The following PTPRD variants were observed in gnomAD, a reference collection of about 807,000 sequenced individuals.
PTPRD encodes receptor-type tyrosine-protein phosphatase delta.
In PTPRD, 34 loss-of-function variants were observed where a neutral mutation model predicts 214.5. The observed-to-expected ratio is 0.16, with a 90% confidence interval of 0.12 to 0.21. PTPRD has a LOEUF of 0.21. Among genes scored for constraint, PTPRD ranks in the 10% least tolerant of loss-of-function variants. The pLI is 1.00. For synonymous variants in PTPRD, 1,128 were observed against 845.7 expected, an observed-to-expected ratio of 1.33 and a Z score of -5.79; for missense variants, 2,545 against 2,398.7, an observed-to-expected ratio of 1.06 and a Z score of -1.27.
At chr9:8,495,952 C>G (rs1245490634) in intron 26 of PTPRD, among the ~76,000 whole-genome samples, 1 of 151,960 alleles carries the variant, frequency 6.6e-6, no homozygotes, top group Non-Finnish European at 1.5e-5. Flanking sequence ...AAAGACTGAC[C>G]GGCCAGCTTT....
intron 30 of PTPRD, among the ~76,000 whole-genome samples, chr9:8,477,243 T>C (rs1009876598): frequency 5.9e-5 from 9 of 152,128 alleles, no homozygotes; most frequent in Admixed American, 5.9e-4. Context: ...CTTTTCAACA[T>C]AGACTTTAAC....
chr9:9,644,747 C>A (rs184214913), intron 7 of PTPRD, among the ~76,000 whole-genome samples: 1,596 of 152,260 alleles, frequency 0.01, 25 homozygotes, highest in African/African-American at 0.037. Flanking sequence ...TCCCCACATC[C>A]TGTACCCATA....
chr9:9,176,966 A>G (rs763177671), intron 10 of PTPRD, among the ~76,000 whole-genome samples: 1 of 152,132 alleles, frequency 6.6e-6, no homozygotes, highest in Non-Finnish European at 1.5e-5. Context: ...GTATCTATCT[A>G]TCTATCTTAG....
chr9:8,659,398 C>T (rs1596293310), intron 12 of PTPRD, among the ~76,000 whole-genome samples: 1 of 152,144 alleles, frequency 6.6e-6, no homozygotes, highest in East Asian at 1.9e-4. Context: ...TTACACTATC[C>T]CATCAAGAGT....
intron 8 of PTPRD, among the ~76,000 whole-genome samples, chr9:9,452,506 A>G (rs1443951997): frequency 6.6e-6 from 1 of 151,338 alleles, no homozygotes; most frequent in Non-Finnish European, 1.5e-5. Flanking sequence ...GAATATGATA[A>G]GATTTGGGGT....
At chr9:10,112,838 T>A (rs2098702584) in intron 3 of PTPRD, among the ~76,000 whole-genome samples, 1 of 152,218 alleles carries the variant, frequency 6.6e-6, no homozygotes, top group Non-Finnish European at 1.5e-5. Flanking sequence ...AATGTTCACG[T>A]CTTGTCTTAA....
At chr9:10,366,466 G>T (rs1352521242) in intron 2 of PTPRD, among the ~76,000 whole-genome samples, 1 of 152,070 alleles carries the variant, frequency 6.6e-6, no homozygotes, top group East Asian at 1.9e-4. Context: ...CAAAAACTGT[G>T]GAATGAGCAC....
chr9:10,472,647 G>C (rs1588965128), intron 2 of PTPRD, among the ~76,000 whole-genome samples: 1 of 152,034 alleles, frequency 6.6e-6, no homozygotes, highest in Admixed American at 6.6e-5. Flanking sequence ...CTTTTGAATA[G>C]TATCCAATGC....
At chr9:9,146,977 G>C (rs1419217930) in intron 10 of PTPRD, among the ~76,000 whole-genome samples, 1 of 152,082 alleles carries the variant, frequency 6.6e-6, no homozygotes, top group African/African-American at 2.4e-5. Flanking sequence ...AACATTTTCT[G>C]ATTGATTCTT....
At chr9:9,073,133 T>G (rs774438338) in intron 10 of PTPRD, among the ~76,000 whole-genome samples, 8 of 152,176 alleles carry the variant, frequency 5.3e-5, no homozygotes, top group Non-Finnish European at 8.8e-5. Context: ...CACTAATTAG[T>G]AATAACATGG....
At chr9:10,370,590 A>C (rs1206543082) in intron 2 of PTPRD, among the ~76,000 whole-genome samples, 1 of 152,130 alleles carries the variant, frequency 6.6e-6, no homozygotes, top group African/African-American at 2.4e-5. Flanking sequence ...ATGAAAATAC[A>C]TTTTGAATTG....
intron 5 of PTPRD, among the ~76,000 whole-genome samples, chr9:9,833,135 G>A (rs1003836993): frequency 6.6e-6 from 1 of 151,910 alleles, no homozygotes; most frequent in East Asian, 1.9e-4. Context: ...TATTTCTAAG[G>A]AACAAAATAA....
chr9:8,390,524 A>G lies in PTPRD; in HGVS notation c.4211-1117T>C, dbSNP rs553749238. On this transcript the variant is annotated intron_variant, in intron 36 of 45. Transcript: ENST00000381196. ...CTTTATACTACTGATTAAGGTTGTAATTATATATTTACTTGTCTGTTAAGT... is the reference window on the plus strand; with the variant it reads ...CTTTATACTACTGATTAAGGTTGTAGTTATATATTTACTTGTCTGTTAAGT... Among the ~76,000 whole-genome samples the G allele has an allele frequency of 2.8e-5, 4 of 145,314 alleles. No individual in the cohort carries two copies. The South Asian group carries it at 6.6e-4, about 24-fold the overall frequency.
Position 8,418,219 on chromosome 9 carries a change from C to CT in PTPRD, c.4087-13560dup, listed in dbSNP as rs370640821. ...CTTGCTTGGAGAGCACTTTCTTATC[C>CT]TTTTCTTTTTTTTTTGCTTCTAAAT... On this transcript the variant is annotated intron_variant, in intron 35 of 45. Coordinates refer to ENST00000381196, the MANE Select transcript of PTPRD (RefSeq NM_002839.4). Among the ~76,000 whole-genome samples, 34 of 150,234 alleles carry CT rather than the reference C, an allele frequency of 2.3e-4. 2 individuals are homozygous for CT. The highest frequency in any genetic ancestry group is 3.0e-4 in the Non-Finnish European group (20 of 67,480).
At chr9:9,561,267 T>C (rs1021004990) in intron 8 of PTPRD, among the ~76,000 whole-genome samples, 2 of 152,102 alleles carry the variant, frequency 1.3e-5, no homozygotes, top group African/African-American at 2.4e-5. Flanking sequence ...TTACACCACG[T>C]TTCCAGATCA....
chr9:8,409,517 A>G (rs542181382), intron 35 of PTPRD, among the ~76,000 whole-genome samples: 14 of 152,308 alleles, frequency 9.2e-5, no homozygotes, highest in African/African-American at 2.6e-4. Context: ...GTGATCATCA[A>G]TTTGCACATC....
rs772631459 is a variant in PTPRD at position 8,504,384 on chromosome 9, C to T, written c.1699G>A (p.Gly567Arg). The change falls in exon 23 of 46, where the codon GGG (glycine) becomes AGG (arginine). Residue 567 changes from glycine to arginine, a missense_variant. Gly to Arg is a moderately radical substitution (Grantham distance 125). Transcript: ENST00000381196. ...GEEQRITIEP[G>R]TSYRLQGLKP... The stretch of plus-strand genomic sequence containing the variant: ...AGTCCTTGCAGCCTATATGATGTCC[C>T]TGGCTCAATGGTAATTCGTTGCTGG... The T allele has an allele frequency of 1.7e-5, 28 of 1,613,968 alleles. No homozygotes were observed. The highest frequency in any genetic ancestry group is 1.0e-4 in the Admixed American group (6 of 59,996).
intron 3 of PTPRD, among the ~76,000 whole-genome samples, chr9:10,075,821 T>A (rs2098123857): frequency 4.6e-5 from 7 of 152,114 alleles, no homozygotes; most frequent in African/African-American, 1.7e-4. Flanking sequence ...AACCAAGGGC[T>A]GAGGTTCTTT....
intron 8 of PTPRD, among the ~76,000 whole-genome samples, chr9:9,497,689 G>C (rs563749796): frequency 7.0e-4 from 106 of 152,162 alleles, no homozygotes; most frequent in African/African-American, 1.9e-3. Flanking sequence ...CTCATTTATA[G>C]AGATATAATT....
Sources: gnomAD v4.1 joint callset for allele counts (sites outside exome capture counted in the v4.1 genomes callset) on GRCh38, gnomAD v4.1.1 for gene constraint, MANE v1.5 for transcripts, NCBI Gene and HGNC (gene_info 2026-07-23, HGNC 2026-07-21) for gene names.